Variants in DPYD observed in about 807,000 individuals in gnomAD.
The protein encoded by DPYD is dihydropyrimidine dehydrogenase [NADP(+)].
Under a neutral mutation model 116.2 loss-of-function variants are expected in DPYD, and 109 were observed. The ratio of observed to expected loss-of-function variants is 0.94; its 90% confidence interval spans 0.80 to 1.10. The LOEUF (loss-of-function observed/expected upper bound fraction) is 1.10, where lower values mean the gene tolerates loss of function less well. Ranked by LOEUF, DPYD falls within the 50% of genes least tolerant of loss-of-function variation. The pLI, the probability that DPYD is intolerant of heterozygous loss-of-function variation, is 0.00. For synonymous variants in DPYD, 440 were observed against 432.0 expected (o/e 1.02, Z -0.23); for missense variants, 1,302 against 1,254.5 (o/e 1.04, Z -0.57).
At chr1:97,508,335 A>G (rs2786780) in intron 13 of DPYD, among the ~76,000 whole-genome samples, 26,856 of 151,884 alleles carry the variant, frequency 0.18, 2,545 homozygotes, top group East Asian at 0.26. Context: ...TTCCAGGCAG[A>G]TCAAACACCA....
intron 3 of DPYD, among the ~76,000 whole-genome samples, chr1:97,792,229 C>T (rs1268545998): frequency 6.6e-6 from 1 of 152,034 alleles, no homozygotes; most frequent in African/African-American, 2.4e-5. Flanking sequence ...TGGCCTTGCC[C>T]ATCTCCCAAA....
chr1:97,265,719 C>T (rs565193190), intron 18 of DPYD, among the ~76,000 whole-genome samples: 1 of 152,056 alleles, frequency 6.6e-6, no homozygotes, highest in African/African-American at 2.4e-5. Context: ...ATAAATGTGA[C>T]CTTTTAATCT....
intron 14 of DPYD, among the ~76,000 whole-genome samples, chr1:97,402,910 A>C: frequency 6.9e-6 from 1 of 145,664 alleles, no homozygotes; most frequent in East Asian, 2.0e-4. Context: ...GATGAATTAC[A>C]TTACCTGATT....
intron 16 of DPYD, among the ~76,000 whole-genome samples, chr1:97,315,398 ACT>A (rs201340869): frequency 0.11 from 17,231 of 151,846 alleles, 1,371 homozygotes; most frequent in African/African-American, 0.22. Flanking sequence ...GAAGCTCCCT[ACT>A]GGGCTAGCAA....
intron 8 of DPYD, among the ~76,000 whole-genome samples, chr1:97,597,267 G>A (rs1357517524): frequency 6.6e-6 from 1 of 152,166 alleles, no homozygotes; most frequent in Admixed American, 6.5e-5. Flanking sequence ...AGGGCCTCAA[G>A]GTCCACGGAG....
chr1:97,237,241 C>CA (rs58926889), intron 18 of DPYD, among the ~76,000 whole-genome samples: 9,046 of 57,102 alleles, frequency 0.16, 1,641 homozygotes, highest in Non-Finnish European at 0.19. Flanking sequence ...GATTCTGTCT[C>CA]AAAAAAAAAA....
chr1:97,531,758 T>C (rs955846309), intron 12 of DPYD, among the ~76,000 whole-genome samples: 17 of 152,296 alleles, frequency 1.1e-4, no homozygotes, highest in African/African-American at 3.8e-4. Context: ...TCCAAGAATA[T>C]AAGATGTCTT....
intron 18 of DPYD, among the ~76,000 whole-genome samples, chr1:97,236,339 C>T (rs1054077555): frequency 8.6e-5 from 13 of 151,988 alleles, no homozygotes; most frequent in Middle Eastern, 3.4e-3. Flanking sequence ...GGAGTGCTTA[C>T]TCTGAGGTAG....
intron 8 of DPYD, among the ~76,000 whole-genome samples, chr1:97,644,101 T>C (rs1325765270): frequency 6.6e-6 from 1 of 151,942 alleles, no homozygotes; most frequent in East Asian, 1.9e-4. Context: ...GAAAATTGTA[T>C]TTTTAAAATC....
At chr1:97,164,848 C>T (rs948704947) in intron 20 of DPYD, among the ~76,000 whole-genome samples, 16 of 151,352 alleles carry the variant, frequency 1.1e-4, no homozygotes, top group African/African-American at 3.9e-4. Flanking sequence ...TGACCAAGTG[C>T]CCAAAACAAC....
At chr1:97,318,591 G>C (rs868111025) in intron 16 of DPYD, among the ~76,000 whole-genome samples, 1 of 151,868 alleles carries the variant, frequency 6.6e-6, no homozygotes, top group African/African-American at 2.4e-5. Flanking sequence ...CAAGTCCTGA[G>C]TGACCTACAA....
At chr1:97,779,950 T>C (rs1382056738) in intron 3 of DPYD, among the ~76,000 whole-genome samples, 1 of 152,186 alleles carries the variant, frequency 6.6e-6, no homozygotes, top group African/African-American at 2.4e-5. Flanking sequence ...AAAATACCTT[T>C]AGAGATATCT....
intron 20 of DPYD, among the ~76,000 whole-genome samples, chr1:97,138,937 C>T (rs1249751546): frequency 2.0e-5 from 3 of 152,252 alleles, no homozygotes; most frequent in South Asian, 2.1e-4. Context: ...GTATTCCACC[C>T]TCATAACAAA....
In DPYD at chr1:97,777,110, T is replaced by C. The variant is rs141702582; in HGVS notation, c.234-36631A>G. 4.2e-3 allele frequency among the ~76,000 whole-genome samples: 647 copies of C among 152,332 alleles called. 2 individuals carry two copies. The highest frequency in any genetic ancestry group is 6.5e-3 in the Non-Finnish European group (441 of 68,020). On this transcript the variant is annotated intron_variant, in intron 3 of 22. Transcript: ENST00000370192. ...TAACTGCAACAATTATTTATCTGTA[T>C]GTCTTTTCTTCTCTGAGTATTCATT...
At chr1:97,248,070 T>C (rs1456753894) in intron 18 of DPYD, among the ~76,000 whole-genome samples, 1 of 152,202 alleles carries the variant, frequency 6.6e-6, no homozygotes, top group African/African-American at 2.4e-5. Flanking sequence ...AATAAAATTA[T>C]AGACCAATAT....
intron 4 of DPYD, among the ~76,000 whole-genome samples, chr1:97,732,764 T>C (rs1285610141): frequency 6.6e-6 from 1 of 152,106 alleles, no homozygotes. Flanking sequence ...AATAGTTACA[T>C]TAACTACAGT....
chr1:97,726,308 T>G (rs1392426045), intron 4 of DPYD, among the ~76,000 whole-genome samples: 3 of 151,632 alleles, frequency 2.0e-5, no homozygotes, highest in Non-Finnish European at 4.4e-5. Flanking sequence ...TACCTTAGTA[T>G]GATAATAAAA....
intron 20 of DPYD, among the ~76,000 whole-genome samples, chr1:97,166,489 A>G (rs910778524): frequency 2.6e-5 from 4 of 152,124 alleles, no homozygotes; most frequent in Admixed American, 6.6e-5. Flanking sequence ...TGTGTGACAA[A>G]ATAATCTGTA....
At chr1:97,763,513 T>C (rs897911396) in intron 3 of DPYD, among the ~76,000 whole-genome samples, 2 of 152,032 alleles carry the variant, frequency 1.3e-5, no homozygotes, top group African/African-American at 2.4e-5. Context: ...GGCTGACCTA[T>C]CCCTTCTCTG....
Sources: allele counts gnomAD v4.1 joint callset (sites outside exome capture counted in the v4.1 genomes callset), GRCh38; gene constraint gnomAD v4.1.1; transcripts MANE v1.5; gene names NCBI Gene and HGNC (gene_info 2026-07-23, HGNC 2026-07-21).